KIAA1217: variants seen among roughly 807,000 people sequenced by gnomAD.
KIAA1217 encodes the protein KIAA1217.
In KIAA1217, 88 loss-of-function variants were observed where a neutral mutation model predicts 163.9. The ratio of observed to expected loss-of-function variants is 0.54; its 90% CI spans 0.45 to 0.64. KIAA1217 has a LOEUF of 0.64. KIAA1217 is among the 30% of genes least tolerant of loss of function. The pLI, the probability that KIAA1217 is intolerant of heterozygous loss-of-function variation, is 0.00. For synonymous variants in KIAA1217, 903 were observed against 923.1 expected (o/e 0.98, Z 0.39); for missense variants, 2,372 against 2,475.0 (o/e 0.96, Z 0.88).
chr10:23,818,004 TATATAC>T lies in KIAA1217; in HGVS notation c.-321+122772_-321+122777del, dbSNP rs1339283635. The stretch of plus-strand genomic sequence containing the variant: ...ATATATATATATATATATATATATA[TATATAC>T]ACACATATATATACACACATATATA... On this transcript the variant is annotated intron_variant, in intron 1 of 18. Coordinates refer to the KIAA1217 transcript ENST00000376462. Among the ~76,000 whole-genome samples, 116 of 104,752 alleles carry T rather than the reference TATATAC, an allele frequency of 1.1e-3. 5 individuals carry two copies. Among genetic ancestry groups the T allele is most frequent in the South Asian group, 3.8e-3 (12 of 3,120 alleles). The allele number at this position is 104,752 out of a possible 152,430, so 68.7% of individuals were successfully genotyped here. A position where few individuals can be genotyped will look rare whatever the true frequency, so the allele number is the denominator to read the frequency against.
At chr10:23,758,751 A>C in intron 1 of KIAA1217, among the ~76,000 whole-genome samples, 1 of 132,266 alleles carries the variant, frequency 7.6e-6, no homozygotes, top group Admixed American at 8.7e-5. Flanking sequence ...TAATGGCGTG[A>C]TCTTGGCTCA....
chr10:23,750,715 A>C lies in KIAA1217; in HGVS notation c.-321+55481A>C, dbSNP rs561700632. ...CACTTGTTCAATTAATGAATGACTA[A>C]TTGAAGAGCTTGAATGAGGGGCTGT... On this transcript the variant is annotated intron_variant, in intron 1 of 18. Transcript: ENST00000376462. Among the ~76,000 whole-genome samples the C allele has an allele frequency of 2.4e-3, 363 of 152,156 alleles. 3 individuals carry two copies. Among genetic ancestry groups the C allele is most frequent in the Non-Finnish European group, 3.7e-4 (25 of 68,026 alleles).
At chr10:23,727,787 C>G (rs1156764593) in intron 1 of KIAA1217, among the ~76,000 whole-genome samples, 1 of 152,030 alleles carries the variant, frequency 6.6e-6, no homozygotes, top group Non-Finnish European at 1.5e-5. Context: ...CTGATGCTAT[C>G]CCTCCTCTAG....
intron 2 of KIAA1217, among the ~76,000 whole-genome samples, chr10:24,175,739 T>C (rs2065853227): frequency 2.0e-5 from 3 of 152,164 alleles, no homozygotes; most frequent in Admixed American, 2.0e-4. Context: ...ATGGTCTTGC[T>C]AGCTTCAGGA....
chr10:24,200,377 T>A (rs763267892), intron 2 of KIAA1217, among the ~76,000 whole-genome samples: 1 of 152,072 alleles, frequency 6.6e-6, no homozygotes, highest in Non-Finnish European at 1.5e-5. Context: ...GGCCTCAAAC[T>A]TCTGGGCTGA....
intron 2 of KIAA1217, among the ~76,000 whole-genome samples, chr10:24,034,501 T>C (rs958466712): frequency 2.0e-4 from 29 of 148,418 alleles, no homozygotes; most frequent in African/African-American, 7.2e-4. Flanking sequence ...AGGTTGAGGC[T>C]GCAGTGAGCC....
At chr10:24,542,398 G>T in intron 17 of KIAA1217, 1 of 583,072 alleles carries the variant, frequency 1.7e-6, no homozygotes, top group South Asian at 3.4e-5. Context: ...TTGAAAAGAG[G>T]ACATGTTAGT....
chr10:24,064,399 C>T (rs1199885967), intron 2 of KIAA1217, among the ~76,000 whole-genome samples: 1 of 152,160 alleles, frequency 6.6e-6, no homozygotes, highest in Non-Finnish European at 1.5e-5. Context: ...TTGAGATAAT[C>T]ATGTGGATTT....
chr10:24,529,297 C>T (rs2072741710), intron 14 of KIAA1217, among the ~76,000 whole-genome samples: 1 of 152,124 alleles, frequency 6.6e-6, no homozygotes, highest in African/African-American at 2.4e-5. Flanking sequence ...CTACTCACAT[C>T]CTCCCATATA....
Position 24,535,279 on chromosome 10 carries a change from A to G in KIAA1217, c.3415-1495A>G, listed in dbSNP as rs117393397. On this transcript the variant is annotated intron_variant, in intron 16 of 20. Transcript: ENST00000376454. Reference sequence around the variant, plus strand: ...AAGGAACAGCAAGGAGACCAGGTACAGCAGAGACAGGGGAGCAAACAGTCA... The same window carrying G: ...AAGGAACAGCAAGGAGACCAGGTACGGCAGAGACAGGGGAGCAAACAGTCA... Among the ~76,000 whole-genome samples the G allele has an allele frequency of 6.2e-3, 946 of 152,344 alleles. 8 individuals carry two copies. Among genetic ancestry groups the G allele is most frequent in the Non-Finnish European group, 9.3e-3 (630 of 68,022 alleles).
rs150238104 is a variant in KIAA1217, at chr10:24,495,524, T to C, written c.1834+328T>C. ...GAAATGGGACAAGTAATTTTATGTG[T>C]GTCAAGTGTTTAAAAGTGCAGGATA... On this transcript the variant is annotated intron_variant, in intron 8 of 20. Transcript: ENST00000376454. Among the ~76,000 whole-genome samples, 8 of 152,316 alleles carry C rather than the reference T, an allele frequency of 5.3e-5. No homozygotes were observed. The East Asian group carries it at 1.3e-3, about 26-fold the overall frequency.
chr10:24,051,140 C>T lies in KIAA1217; in HGVS notation c.-171+43766C>T, dbSNP rs574290099. ...TTCTTACGCCTTTGCATCCTCATAGCTTAGCTCCTGCTTATAAGTGAGAAC... is the reference window on the plus strand; with the variant it reads ...TTCTTACGCCTTTGCATCCTCATAGTTTAGCTCCTGCTTATAAGTGAGAAC... On this transcript the variant is annotated intron_variant, in intron 2 of 18. Coordinates refer to the KIAA1217 transcript ENST00000376462. Among the ~76,000 whole-genome samples the T allele has an allele frequency of 2.0e-3, 311 of 152,264 alleles. 2 individuals carry two copies. The highest frequency in any genetic ancestry group is 6.9e-3 in the African/African-American group (285 of 41,574).
At chr10:24,048,232 A>T (rs1362105525) in intron 2 of KIAA1217, among the ~76,000 whole-genome samples, 1 of 152,228 alleles carries the variant, frequency 6.6e-6, no homozygotes, top group Non-Finnish European at 1.5e-5. Flanking sequence ...ATGGGTCATT[A>T]CATTTCTCCT....
chr10:24,378,162 T>C (rs11014072), intron 2 of KIAA1217, among the ~76,000 whole-genome samples: 71,010 of 152,064 alleles, frequency 0.47, 17,814 homozygotes, highest in African/African-American at 0.66. Flanking sequence ...TCAAGTTCTC[T>C]GTAGACATTG....
chr10:23,795,149 C>A (rs1254668112), intron 1 of KIAA1217, among the ~76,000 whole-genome samples: 1 of 152,212 alleles, frequency 6.6e-6, no homozygotes, highest in Non-Finnish European at 1.5e-5. Context: ...CTTTAGTAAT[C>A]TTTATTGACA....
intron 19 of KIAA1217, 42 bp from the exon 20 acceptor site, chr10:24,544,939 C>A: frequency 6.2e-7 from 1 of 1,602,570 alleles, no homozygotes; most frequent in South Asian, 1.1e-5. Context: ...CCTACTCATG[C>A]GCTTCTCCTT....
intron 2 of KIAA1217, among the ~76,000 whole-genome samples, chr10:24,027,262 G>A (rs537182622): frequency 1.9e-4 from 29 of 152,166 alleles, no homozygotes; most frequent in African/African-American, 6.7e-4. Flanking sequence ...CTATGACCTG[G>A]AAACTCTTCA....
chr10:23,810,355 TTATA>T (rs1004970287), intron 1 of KIAA1217, among the ~76,000 whole-genome samples: 4 of 146,238 alleles, frequency 2.7e-5, no homozygotes, highest in Admixed American at 1.4e-4. Flanking sequence ...TATATATAGA[TTATA>T]TATAGTATAT....
chr10:23,923,070 T>G (rs965827269), intron 1 of KIAA1217, among the ~76,000 whole-genome samples: 5 of 152,152 alleles, frequency 3.3e-5, no homozygotes, highest in African/African-American at 1.2e-4. Flanking sequence ...GTACCCAATA[T>G]GTAGTCTTTT....
Sources: gnomAD v4.1 joint callset for allele counts (sites outside exome capture counted in the v4.1 genomes callset) on GRCh38, gnomAD v4.1.1 for gene constraint, MANE v1.5 for transcripts, NCBI Gene and HGNC (gene_info 2026-07-23, HGNC 2026-07-21) for gene names.